FKTN: variants seen among roughly 807,000 people sequenced by gnomAD.
FKTN encodes the protein fukutin.
A neutral mutation model predicts 58.6 loss-of-function variants in FKTN; 47 were observed. That is an observed-to-expected ratio of 0.80 (90% confidence interval 0.63 to 1.02). The LOEUF (loss-of-function observed/expected upper bound fraction) is 1.02, where lower values mean the gene tolerates loss of function less well. FKTN is among the 50% of genes least tolerant of loss of function. FKTN has a pLI of 0.00. For missense variants in FKTN, 516 were observed against 537.3 expected, an observed-to-expected ratio of 0.96 and a Z score of 0.39; for synonymous variants, 178 against 191.9, an observed-to-expected ratio of 0.93 and a Z score of 0.60.
intron 1 of FKTN, among the ~76,000 whole-genome samples, chr9:105,561,503 C>T (rs1044819151): frequency 5.3e-5 from 8 of 152,134 alleles, no homozygotes; most frequent in Admixed American, 4.6e-4. Context: ...AAAGACAATC[C>T]TTGCTGTCTT....
Position 105,640,761 on chromosome 9 carries a change from G to A in FKTN, c.*5497G>A, listed in dbSNP as rs1834369244. 1 of 152,072 alleles carries A rather than the reference G, an allele frequency of 6.6e-6. No homozygotes were observed. Among genetic ancestry groups the A allele is most frequent in the African/African-American group, 2.4e-5 (1 of 41,492 alleles). The allele number at this position is 152,072 out of a possible 1,614,324, so 9.4% of individuals were successfully genotyped here. A position where few individuals can be genotyped will look rare whatever the true frequency, so the allele number is the denominator to read the frequency against. On this transcript the variant is annotated 3_prime_UTR_variant, in exon 11 of 11. Transcript: ENST00000357998. ...TTAGAAGTACTGTATTTTTGCTATT[G>A]GAAATGAAATATTGTTTCATGCACC...
chr9:105,626,923 G>T (rs1832807678), intron 10 of FKTN, among the ~76,000 whole-genome samples: 1 of 150,628 alleles, frequency 6.6e-6, no homozygotes. Context: ...TTTCTGAGTT[G>T]TCTGTCTTTT....
rs576533054 is a variant in FKTN, at chr9:105,593,437, A to G, written c.106-3161A>G. Among the ~76,000 whole-genome samples, 168 of 152,344 alleles carry G rather than the reference A, an allele frequency of 1.1e-3. 1 individual carries two copies. Among genetic ancestry groups the G allele is most frequent in the African/African-American group, 3.5e-3 (146 of 41,582 alleles). Reference sequence around the variant, plus strand: ...GAGATTTGGTGGGGCACAGATCCAAAGCACATCAGGTGCCTATTTGACATT... The same window carrying G: ...GAGATTTGGTGGGGCACAGATCCAAGGCACATCAGGTGCCTATTTGACATT... On this transcript the variant is annotated intron_variant, in intron 3 of 10. Coordinates refer to ENST00000357998, the MANE Select transcript of FKTN (RefSeq NM_001079802.2).
chr9:105,568,598 C>G (rs1238469245), intron 1 of FKTN, among the ~76,000 whole-genome samples: 1 of 152,224 alleles, frequency 6.6e-6, no homozygotes. Context: ...GATACCATCT[C>G]ACACCAGTTA....
intron 2 of FKTN, 57 bp downstream of exon 2, chr9:105,573,803 T>C (rs937739071): frequency 6.6e-6 from 1 of 152,096 alleles, no homozygotes; most frequent in East Asian, 1.9e-4. Context: ...CTATCAGGAG[T>C]TGGTTTGGGA....
chr9:105,636,049 C>T lies in FKTN; in HGVS notation c.*785C>T, dbSNP rs1834011250. The T allele has an allele frequency of 2.0e-6, 2 of 985,222 alleles. No individual in the cohort carries two copies. Among genetic ancestry groups the T allele is most frequent in the Non-Finnish European group, 2.4e-6 (2 of 829,792 alleles). The allele number at this position is 985,222 out of a possible 1,614,324, so 61.0% of individuals were successfully genotyped here. On this transcript the variant is annotated 3_prime_UTR_variant, in exon 11 of 11. Coordinates refer to ENST00000357998, the MANE Select transcript of FKTN (RefSeq NM_001079802.2). ...AAATCATTCAAGTGAGACCATGTTA[C>T]TAGACATGATCTTGAAAGAGGCCAT...
intron 1 of FKTN, among the ~76,000 whole-genome samples, chr9:105,567,229 A>T (rs1001888169): frequency 5.3e-5 from 8 of 152,204 alleles, no homozygotes; most frequent in Non-Finnish European, 1.2e-4. Context: ...TCCCTTTGAA[A>T]ACTGGCACAA....
chr9:105,592,294 C>A (rs1845033534), intron 3 of FKTN, among the ~76,000 whole-genome samples: 1 of 152,160 alleles, frequency 6.6e-6, no homozygotes, highest in Non-Finnish European at 1.5e-5. Context: ...CACATATGAG[C>A]ATAGGTTGTT....
chr9:105,592,037 C>T (rs998992251), intron 3 of FKTN, among the ~76,000 whole-genome samples: 1 of 152,232 alleles, frequency 6.6e-6, no homozygotes, highest in Non-Finnish European at 1.5e-5. Flanking sequence ...GCGTAGCCCA[C>T]CAAACTATTC....
intron 5 of FKTN, 84 bp downstream of exon 5, chr9:105,601,432 T>A: frequency 4.0e-6 from 4 of 991,334 alleles, no homozygotes; most frequent in East Asian, 2.4e-5. Context: ...TGTAAAACAT[T>A]AAAAATTTTT....
intron 1 of FKTN, among the ~76,000 whole-genome samples, chr9:105,563,629 T>C (rs1034366528): frequency 1.3e-5 from 2 of 151,974 alleles, no homozygotes; most frequent in Admixed American, 1.3e-4. Flanking sequence ...TTGCTGAGGC[T>C]TGAGTAGATA....
At chr9:105,615,444 A>AT in intron 8 of FKTN, 37 bp downstream of exon 8, 1 of 1,609,254 alleles carries the variant, frequency 6.2e-7, no homozygotes. Context: ...TCTTTCTGTC[A>AT]TTTTGTCCTC....
At chr9:105,619,772 AT>A in intron 9 of FKTN, 161 bp from the exon 10 acceptor site, 1 of 581,482 alleles carries the variant, frequency 1.7e-6, no homozygotes, top group South Asian at 2.1e-5. Context: ...ATGCATCCCA[AT>A]TTCAGAGGTG....
Position 105,639,283 on chromosome 9 carries a change from A to G in FKTN, c.*4019A>G, listed in dbSNP as rs1834264658. 8 of 985,326 alleles carry G rather than the reference A, an allele frequency of 8.1e-6. No homozygotes were observed. The highest frequency in any genetic ancestry group is 9.6e-6 in the Non-Finnish European group (8 of 829,834). 61.0% of individuals were successfully genotyped at this position (985,326 alleles called of 1,614,324 possible). ...TTCCACTATCATTAAGACCTGGGCTAGATCACCTCTAACATCTCACTCAGG... is the reference window on the plus strand; with the variant it reads ...TTCCACTATCATTAAGACCTGGGCTGGATCACCTCTAACATCTCACTCAGG... On this transcript the variant is annotated 3_prime_UTR_variant, in exon 11 of 11. Transcript: ENST00000357998.
Position 105,596,609 on chromosome 9 carries a change from T to C in FKTN, c.117T>C (p.Gly39=), listed in dbSNP as rs766999475. 2.5e-6 allele frequency: 4 copies of C among 1,612,538 alleles called. No homozygotes were observed. The South Asian group carries it at 3.3e-5, about 13-fold the overall frequency. ...TGTTGTCTTCCTAGAATGGAGCTGG[T>C]TTGTCAAAATCCAAAGGAAGCCGAA... ...KHYLSTKNGA[G]LSKSKGSRIG... is the part of the protein sequence containing the mutation. Residue 39 remains glycine, a synonymous_variant, in exon 4 of 11, where the codon GGT becomes GGC. Transcript: ENST00000357998.
intron 9 of FKTN, among the ~76,000 whole-genome samples, 194 bp from the exon 10 acceptor site, chr9:105,619,740 G>A (rs549221329): frequency 2.6e-5 from 4 of 152,164 alleles, no homozygotes; most frequent in Admixed American, 6.5e-5. Flanking sequence ...ATGCAGTTAA[G>A]AAATTAAATG....
chr9:105,602,252 C>A (rs1828007679), intron 5 of FKTN, among the ~76,000 whole-genome samples: 1 of 152,164 alleles, frequency 6.6e-6, no homozygotes, highest in Non-Finnish European at 1.5e-5. Flanking sequence ...TTACATAGTA[C>A]ACAGGATAGA....
chr9:105,600,449 A>G (rs1827669861), intron 4 of FKTN, among the ~76,000 whole-genome samples: 1 of 152,082 alleles, frequency 6.6e-6, no homozygotes, highest in Non-Finnish European at 1.5e-5. Context: ...CTGTTCTTAG[A>G]TATTACTTAT....
intron 1 of FKTN, among the ~76,000 whole-genome samples, chr9:105,569,480 G>T (rs1840349430): frequency 6.6e-6 from 1 of 152,096 alleles, no homozygotes; most frequent in Admixed American, 6.6e-5. Flanking sequence ...AAGAAAAGAT[G>T]AAAGGAAACA....
Sources: gnomAD v4.1 joint callset for allele counts (sites outside exome capture counted in the v4.1 genomes callset) on GRCh38, gnomAD v4.1.1 for gene constraint, MANE v1.5 for transcripts, NCBI Gene and HGNC (gene_info 2026-07-23, HGNC 2026-07-21) for gene names.